KCNU1: variants seen among roughly 807,000 people sequenced by gnomAD.
The protein encoded by KCNU1 is potassium channel subfamily U member 1.
In KCNU1, 93 loss-of-function variants were observed where a neutral mutation model predicts 126.8. The ratio of observed to expected loss-of-function variants is 0.73; its 90% CI spans 0.62 to 0.87. The LOEUF is 0.87. Among genes scored for constraint, KCNU1 ranks in the 40% least tolerant of loss-of-function variants. The probability of loss-of-function intolerance (pLI) is 0.00; values close to 1 mark genes in which losing one functional copy is unlikely to be tolerated. For missense variants in KCNU1, 1,330 were observed against 1,367.1 expected (o/e 0.97, Z 0.43); for synonymous variants, 523 against 494.2 (o/e 1.06, Z -0.77).
At position 36,864,194 on chromosome 8, in the gene KCNU1, A is replaced by G. The variant is rs979020251; in HGVS notation, c.1892-210A>G. ...AGTAGGTACTTATTTTAAACACACC[A>G]TATGGAACTGAAATTCTCTCTCACT... On this transcript the variant is annotated intron_variant, in intron 18 of 26. Coordinates refer to ENST00000399881, the MANE Select transcript of KCNU1 (RefSeq NM_001031836.3). Among the ~76,000 whole-genome samples the G allele has an allele frequency of 7.9e-5, 12 of 152,278 alleles. No individual in the cohort carries two copies. In the East Asian group the frequency reaches 9.7e-4, roughly 12 times the overall value.
intron 18 of KCNU1, among the ~76,000 whole-genome samples, chr8:36,852,623 A>C (rs35025232): frequency 6.6e-6 from 1 of 151,962 alleles, no homozygotes; most frequent in Non-Finnish European, 1.5e-5. Context: ...AATCCACATT[A>C]TCAAATTTAT....
chr8:36,787,757 G>T (rs189745063), intron 2 of KCNU1, among the ~76,000 whole-genome samples: 1 of 146,890 alleles, frequency 6.8e-6, no homozygotes, highest in Non-Finnish European at 1.5e-5. Context: ...ATATGTAATT[G>T]TATAGAATAT....
intron 10 of KCNU1, among the ~76,000 whole-genome samples, chr8:36,831,610 GT>G (rs1403759957): frequency 7.1e-6 from 1 of 141,066 alleles, no homozygotes; most frequent in Non-Finnish European, 1.6e-5. Context: ...GGGGTTGTTT[GT>G]TTTTTTCTTG....
chr8:36,810,028 C>T (rs1446336999), intron 7 of KCNU1, among the ~76,000 whole-genome samples: 6 of 152,026 alleles, frequency 3.9e-5, no homozygotes, highest in African/African-American at 4.8e-5. Context: ...AGAATAGCTT[C>T]GGATCACGAG....
rs370766427 is a variant in KCNU1, at chr8:36,881,416, G to A, written c.2009+16895G>A. ...TTTTTAAATTTTTGGTAGGGATAGG[G>A]TCTCACTCTGTTGCCCACTCTGATT... On this transcript the variant is annotated intron_variant, in intron 19 of 26. Coordinates refer to ENST00000399881, the MANE Select transcript of KCNU1 (RefSeq NM_001031836.3). 2.1e-4 allele frequency among the ~76,000 whole-genome samples: 32 copies of A among 152,066 alleles called. 1 individual carries two copies. The East Asian group carries it at 3.1e-3, about 15-fold the overall frequency.
chr8:36,885,937 G>A (rs528176447), intron 19 of KCNU1, among the ~76,000 whole-genome samples: 10 of 152,282 alleles, frequency 6.6e-5, no homozygotes, highest in African/African-American at 2.4e-4. Context: ...ATCACCTGAA[G>A]AAGAAAGGAG....
At chr8:36,857,434 AG>A (rs1378563042) in intron 18 of KCNU1, among the ~76,000 whole-genome samples, 1 of 152,104 alleles carries the variant, frequency 6.6e-6, no homozygotes, top group Non-Finnish European at 1.5e-5. Flanking sequence ...AGCTGGAGGG[AG>A]GGGGAGCCCT....
chr8:36,807,473 C>T (rs2130426852), intron 6 of KCNU1, 23 bp downstream of exon 6: 9 of 1,527,326 alleles, frequency 5.9e-6, no homozygotes, highest in South Asian at 2.2e-5. Flanking sequence ...GACCGAAGTA[C>T]TGCTTACTTA....
At chr8:36,930,641 C>G (rs750523449) in intron 24 of KCNU1, among the ~76,000 whole-genome samples, 2 of 152,016 alleles carry the variant, frequency 1.3e-5, no homozygotes, top group Admixed American at 6.6e-5. Flanking sequence ...ATGTATACCC[C>G]CTCTGGTCAT....
At chr8:36,804,146 T>C (rs1326175894) in intron 3 of KCNU1, 58 bp downstream of exon 3, 1 of 1,142,752 alleles carries the variant, frequency 8.8e-7, no homozygotes, top group Admixed American at 2.1e-5. Context: ...TCGGCTAATT[T>C]GGAATTTTCT....
rs747777442 is a variant in KCNU1, at chr8:36,901,295, GTCTC to G, written c.2010-4406_2010-4403del. Among the ~76,000 whole-genome samples the G allele has an allele frequency of 2.3e-4, 35 of 152,144 alleles. 1 individual carries two copies. Among genetic ancestry groups the G allele is most frequent in the African/African-American group, 7.7e-4 (32 of 41,522 alleles). On this transcript the variant is annotated intron_variant, in intron 19 of 26. Coordinates refer to ENST00000399881, the MANE Select transcript of KCNU1 (RefSeq NM_001031836.3). The stretch of plus-strand genomic sequence containing the variant: ...AATAGAAGTTTTCTTACATGGTTTG[GTCTC>G]TCTCTCATCAGGTGCCATGACTGGC...
chr8:36,821,537 C>A (rs1047836897), intron 10 of KCNU1, among the ~76,000 whole-genome samples: 1 of 152,066 alleles, frequency 6.6e-6, no homozygotes, highest in Non-Finnish European at 1.5e-5. Context: ...ATGACAAGAT[C>A]CAGGACTTTG....
intron 19 of KCNU1, among the ~76,000 whole-genome samples, chr8:36,903,251 C>G (rs1807489092): frequency 6.6e-6 from 1 of 152,026 alleles, no homozygotes; most frequent in African/African-American, 2.4e-5. Flanking sequence ...AGCTAGCCTG[C>G]TTGAGGAAAG....
chr8:36,820,566 A>G (rs989651766), intron 10 of KCNU1, among the ~76,000 whole-genome samples: 2 of 151,906 alleles, frequency 1.3e-5, no homozygotes, highest in Admixed American at 6.6e-5. Flanking sequence ...AAAGAAAGTC[A>G]TTTACTCTAG....
At chr8:36,821,162 T>C (rs1804110178) in intron 10 of KCNU1, among the ~76,000 whole-genome samples, 2 of 152,094 alleles carry the variant, frequency 1.3e-5, no homozygotes, top group Admixed American at 1.3e-4. Flanking sequence ...AGTATAAACA[T>C]AGACCTTTTG....
chr8:36,866,561 C>A (rs908767334), intron 19 of KCNU1, among the ~76,000 whole-genome samples: 1 of 152,148 alleles, frequency 6.6e-6, no homozygotes, highest in African/African-American at 2.4e-5. Flanking sequence ...TTTTGCCTGG[C>A]TATTTCCAAC....
chr8:36,910,082 G>A (rs780973984), intron 21 of KCNU1, among the ~76,000 whole-genome samples: 4 of 152,010 alleles, frequency 2.6e-5, no homozygotes, highest in Non-Finnish European at 5.9e-5. Flanking sequence ...ATAGATCTAT[G>A]TCCCACTCTA....
intron 19 of KCNU1, among the ~76,000 whole-genome samples, chr8:36,892,948 A>G (rs955976721): frequency 1.3e-5 from 2 of 151,850 alleles, no homozygotes; most frequent in African/African-American, 2.4e-5. Flanking sequence ...AATACCCTCT[A>G]TAGAAGTCTG....
At chr8:36,803,577 T>C (rs1803388987) in intron 2 of KCNU1, among the ~76,000 whole-genome samples, 1 of 152,204 alleles carries the variant, frequency 6.6e-6, no homozygotes, top group Non-Finnish European at 1.5e-5. Flanking sequence ...GAATTTTTTC[T>C]ATAATATAAC....
Sources: allele counts gnomAD v4.1 joint callset (sites outside exome capture counted in the v4.1 genomes callset), GRCh38; gene constraint gnomAD v4.1.1; transcripts MANE v1.5; gene names NCBI Gene and HGNC (gene_info 2026-07-23, HGNC 2026-07-21).